FSIP1: variants seen among roughly 807,000 people sequenced by gnomAD.
FSIP1 encodes the protein fibrous sheath-interacting protein 1.
In FSIP1, 65 loss-of-function variants were observed where a neutral mutation model predicts 60.9. That is an observed-to-expected ratio of 1.07 (90% CI 0.87 to 1.31). FSIP1 has a LOEUF of 1.31. FSIP1 is among the 40% of genes most tolerant of loss of function. The probability of loss-of-function intolerance (pLI) is 0.00; values close to 1 mark genes in which losing one functional copy is unlikely to be tolerated. For synonymous variants in FSIP1, 209 were observed against 221.2 expected, an observed-to-expected ratio of 0.94 and a Z score of 0.49; for missense variants, 675 against 665.5, an observed-to-expected ratio of 1.01 and a Z score of -0.16.
intron 10 of FSIP1, among the ~76,000 whole-genome samples, chr15:39,678,284 C>T (rs960137773): frequency 2.6e-5 from 4 of 151,922 alleles, no homozygotes; most frequent in African/African-American, 4.8e-5. Context: ...AATAAACATA[C>T]TCCATTTGCG....
In FSIP1 at chr15:39,612,946, C is replaced by T. The variant is rs531666934; in HGVS notation, c.1699+4789G>A. Among the ~76,000 whole-genome samples the T allele has an allele frequency of 2.0e-5, 3 of 151,814 alleles. No homozygotes were observed. In the East Asian group the frequency reaches 5.8e-4, roughly 29 times the overall value. On this transcript the variant is annotated intron_variant, in intron 11 of 11. Coordinates refer to ENST00000350221, the MANE Select transcript of FSIP1 (RefSeq NM_152597.5). ...GATACATCATAAGATACATTGCAGC[C>T]ATCATAATGAATGATTTAGAAGAAT...
chr15:39,698,021 T>C (rs1461245547), intron 10 of FSIP1, among the ~76,000 whole-genome samples: 1 of 151,800 alleles, frequency 6.6e-6, no homozygotes, highest in African/African-American at 2.4e-5. Context: ...AACCAATGTA[T>C]CTGAGTGCTA....
intron 10 of FSIP1, among the ~76,000 whole-genome samples, chr15:39,626,794 A>G (rs2140395411): frequency 6.7e-6 from 1 of 149,758 alleles, no homozygotes; most frequent in East Asian, 2.0e-4. Context: ...TTTATAAATT[A>G]CGTAGTATTT....
At chr15:39,604,008 C>T (rs1431454454) in intron 11 of FSIP1, among the ~76,000 whole-genome samples, 5 of 152,226 alleles carry the variant, frequency 3.3e-5, no homozygotes, top group Admixed American at 6.5e-5. Flanking sequence ...CTCAGTTCAC[C>T]GCAACCTCCA....
intron 10 of FSIP1, among the ~76,000 whole-genome samples, chr15:39,620,948 T>C (rs1891420097): frequency 6.7e-6 from 1 of 150,326 alleles, no homozygotes; most frequent in Non-Finnish European, 1.5e-5. Context: ...AAATTTAAAA[T>C]ATTTAAATGA....
chr15:39,703,946 G>T (rs551324052), intron 10 of FSIP1, among the ~76,000 whole-genome samples: 22 of 152,246 alleles, frequency 1.4e-4, no homozygotes, highest in African/African-American at 5.1e-4. Flanking sequence ...ACTATTAAAT[G>T]ATAATATTCC....
intron 10 of FSIP1, among the ~76,000 whole-genome samples, chr15:39,656,572 A>C (rs1279444934): frequency 2.0e-5 from 3 of 152,224 alleles, no homozygotes; most frequent in Non-Finnish European, 4.4e-5. Context: ...TTGCTTGATC[A>C]ATATGAGCCT....
At chr15:39,683,706 A>C (rs1894253939) in intron 10 of FSIP1, among the ~76,000 whole-genome samples, 1 of 152,224 alleles carries the variant, frequency 6.6e-6, no homozygotes, top group Admixed American at 6.5e-5. Flanking sequence ...AATTTCTAGA[A>C]CTAATAAGTC....
At chr15:39,711,312 C>T (rs1311460015) in intron 10 of FSIP1, among the ~76,000 whole-genome samples, 2 of 148,320 alleles carry the variant, frequency 1.3e-5, no homozygotes, top group African/African-American at 5.1e-5. Flanking sequence ...AAATGAGTCC[C>T]CTGGGGCCTC....
At chr15:39,657,708 A>T (rs1893125224) in intron 10 of FSIP1, among the ~76,000 whole-genome samples, 1 of 152,222 alleles carries the variant, frequency 6.6e-6, no homozygotes, top group Admixed American at 6.5e-5. Context: ...CACCCAGGAT[A>T]TGCCACCATT....
At chr15:39,685,430 G>A (rs8035986) in intron 10 of FSIP1, among the ~76,000 whole-genome samples, 7,674 of 152,080 alleles carry the variant, frequency 0.05, 658 homozygotes, top group Admixed American at 0.2. Context: ...AAATCCCCCC[G>A]CCATCCCCAA....
At chr15:39,658,888 G>A (rs926440871) in intron 10 of FSIP1, among the ~76,000 whole-genome samples, 5 of 152,164 alleles carry the variant, frequency 3.3e-5, no homozygotes, top group African/African-American at 7.2e-5. Context: ...ATTCATAATC[G>A]CCAAAAAGTG....
chr15:39,706,747 C>G (rs966667628), intron 10 of FSIP1, among the ~76,000 whole-genome samples: 1 of 152,136 alleles, frequency 6.6e-6, no homozygotes, highest in Non-Finnish European at 1.5e-5. Context: ...CCATCCATCC[C>G]GATCCCCGCT....
At chr15:39,613,722 C>T (rs2140373740) in intron 11 of FSIP1, among the ~76,000 whole-genome samples, 1 of 152,204 alleles carries the variant, frequency 6.6e-6, no homozygotes, top group South Asian at 2.1e-4. Context: ...TACTAGCAAA[C>T]CGAATTCAAA....
chr15:39,611,988 C>G (rs1891054507), intron 11 of FSIP1, among the ~76,000 whole-genome samples: 1 of 152,080 alleles, frequency 6.6e-6, no homozygotes, highest in African/African-American at 2.4e-5. Flanking sequence ...CATATACACA[C>G]CCAACACTGG....
intron 6 of FSIP1, among the ~76,000 whole-genome samples, chr15:39,740,134 T>A (rs1300096614): frequency 6.6e-6 from 1 of 150,704 alleles, no homozygotes; most frequent in Non-Finnish European, 1.5e-5. Flanking sequence ...CTTTAAAATA[T>A]ATTTTTTATT....
chr15:39,763,129 T>C (rs938614617), intron 5 of FSIP1, among the ~76,000 whole-genome samples: 1 of 152,198 alleles, frequency 6.6e-6, no homozygotes, highest in African/African-American at 2.4e-5. Context: ...AATATTTTCT[T>C]ATATAGATTA....
chr15:39,738,060 AGT>A (rs776566824), intron 8 of FSIP1, 29 bp downstream of exon 8: 2 of 1,157,932 alleles, frequency 1.7e-6, no homozygotes, highest in Non-Finnish European at 2.5e-6. Context: ...TAAATTAAGA[AGT>A]GTAGTGTTCC....
intron 5 of FSIP1, among the ~76,000 whole-genome samples, chr15:39,749,646 T>C (rs558656866): frequency 1.3e-5 from 2 of 151,802 alleles, no homozygotes; most frequent in East Asian, 3.9e-4. Flanking sequence ...CTCTCAAGAG[T>C]TTAGGTATAG....
Sources: allele counts gnomAD v4.1 joint callset (sites outside exome capture counted in the v4.1 genomes callset), GRCh38; gene constraint gnomAD v4.1.1; transcripts MANE v1.5; gene names NCBI Gene and HGNC (gene_info 2026-07-23, HGNC 2026-07-21).